OSBPL10: variants seen among roughly 807,000 people sequenced by gnomAD.
OSBPL10 encodes oxysterol binding protein like 10.
In OSBPL10, 49 loss-of-function variants were observed where a neutral mutation model predicts 81.7. The ratio of observed to expected loss-of-function variants is 0.60; its 90% confidence interval spans 0.48 to 0.76. The LOEUF (loss-of-function observed/expected upper bound fraction) is 0.76, where lower values mean the gene tolerates loss of function less well. Among genes scored for constraint, OSBPL10 ranks in the 30% least tolerant of loss-of-function variants. The pLI, the probability that OSBPL10 is intolerant of heterozygous loss-of-function variation, is 0.00. For synonymous variants in OSBPL10, 419 were observed against 383.6 expected (o/e 1.09, Z -1.08); for missense variants, 923 against 987.8 (o/e 0.93, Z 0.88).
At chr3:31,708,815 AG>A in intron 6 of OSBPL10, 5 of 985,378 alleles carry the variant, frequency 5.1e-6, no homozygotes, top group Non-Finnish European at 6.0e-6. Context: ...TGTTGGGTAG[AG>A]GGTATCTCAG....
chr3:32,050,343 A>AT (rs1422519893), intron 1 of OSBPL10, among the ~76,000 whole-genome samples: 1 of 152,160 alleles, frequency 6.6e-6, no homozygotes, highest in African/African-American at 2.4e-5. Context: ...TCAGGGTTCA[A>AT]TTTCTGGCTT....
At chr3:31,713,130 A>G (rs1396464740) in intron 6 of OSBPL10, among the ~76,000 whole-genome samples, 1 of 152,204 alleles carries the variant, frequency 6.6e-6, no homozygotes, top group Non-Finnish European at 1.5e-5. Flanking sequence ...TCCTAAGCTG[A>G]AAGCCCTCTC....
intron 3 of OSBPL10, among the ~76,000 whole-genome samples, chr3:31,842,403 A>C (rs189133479): frequency 3.8e-4 from 58 of 152,338 alleles, no homozygotes; most frequent in African/African-American, 1.4e-3. Flanking sequence ...TGGGCTTATT[A>C]CAGAAGTGGC....
intron 1 of OSBPL10, among the ~76,000 whole-genome samples, chr3:31,930,003 C>CAAAAAAAAAAAAAAAAAAAAA (rs57256301): frequency 2.8e-5 from 2 of 72,574 alleles, no homozygotes. Flanking sequence ...TGTCACCAAC[C>CAAAAAAAAAAAAAAAAAAAAA]AAAAAAAAAA....
At chr3:31,980,654 G>A (rs1009072569) in intron 1 of OSBPL10, among the ~76,000 whole-genome samples, 3 of 152,130 alleles carry the variant, frequency 2.0e-5, no homozygotes, top group Non-Finnish European at 2.9e-5. Flanking sequence ...GAAAACCAGG[G>A]CTCTCGCCTC....
At chr3:31,987,461 C>T (rs1698949679) in intron 2 of OSBPL10, among the ~76,000 whole-genome samples, 1 of 152,192 alleles carries the variant, frequency 6.6e-6, no homozygotes, top group Non-Finnish European at 1.5e-5. Context: ...GATCCAATGA[C>T]TGGGTCAGGC....
At chr3:31,802,033 G>A (rs1328857546) in intron 4 of OSBPL10, among the ~76,000 whole-genome samples, 1 of 151,524 alleles carries the variant, frequency 6.6e-6, no homozygotes, top group Non-Finnish European at 1.5e-5. Context: ...ATATTGGTCA[G>A]GCTGGTCTCG....
chr3:31,773,035 G>A (rs1314082305), intron 4 of OSBPL10, among the ~76,000 whole-genome samples: 1 of 148,050 alleles, frequency 6.8e-6, no homozygotes, highest in Admixed American at 6.8e-5. Flanking sequence ...GTCCCATAAT[G>A]CTGTCCACTA....
intron 1 of OSBPL10, among the ~76,000 whole-genome samples, chr3:32,060,091 T>C (rs1699743823): frequency 6.6e-6 from 1 of 151,940 alleles, no homozygotes; most frequent in African/African-American, 2.4e-5. Context: ...TATATATATA[T>C]ATATATACTT....
At chr3:32,033,319 A>AACTT (rs775726352) in intron 2 of OSBPL10, among the ~76,000 whole-genome samples, 4 of 152,148 alleles carry the variant, frequency 2.6e-5, no homozygotes, top group Non-Finnish European at 5.9e-5. Flanking sequence ...AATTAACTTG[A>AACTT]ACTTACATGA....
intron 8 of OSBPL10, among the ~76,000 whole-genome samples, chr3:31,683,125 T>C (rs1280670570): frequency 6.6e-6 from 1 of 152,234 alleles, no homozygotes; most frequent in Non-Finnish European, 1.5e-5. Flanking sequence ...AATAAGAATG[T>C]GTGATCCACC....
At chr3:31,962,625 G>T (rs866193454) in intron 1 of OSBPL10, among the ~76,000 whole-genome samples, 2 of 152,154 alleles carry the variant, frequency 1.3e-5, no homozygotes, top group Admixed American at 1.3e-4. Context: ...GCTTTTACCC[G>T]CAAGAAATGT....
At chr3:31,949,043 A>T (rs967218370) in intron 1 of OSBPL10, among the ~76,000 whole-genome samples, 1 of 152,244 alleles carries the variant, frequency 6.6e-6, no homozygotes, top group Non-Finnish European at 1.5e-5. Flanking sequence ...TAAATGGTCA[A>T]ATCAATTAAC....
At chr3:32,070,662 A>G (rs1454153302) in intron 1 of OSBPL10, among the ~76,000 whole-genome samples, 5 of 152,036 alleles carry the variant, frequency 3.3e-5, no homozygotes, top group African/African-American at 1.2e-4. Context: ...TCTCCTTCCA[A>G]TTCTCCCGTT....
Position 32,028,927 on chromosome 3 carries a change from GACACACACAC to G in OSBPL10, n.298+17554_298+17563del, listed in dbSNP as rs58442955. 1.9e-3 allele frequency among the ~76,000 whole-genome samples: 205 copies of G among 105,712 alleles called. 1 individual carries two copies. Among genetic ancestry groups the G allele is most frequent in the Middle Eastern group, 0.015 (3 of 202 alleles). The allele number at this position is 105,712 out of a possible 152,430, so 69.4% of individuals were successfully genotyped here. A position where few individuals can be genotyped will look rare whatever the true frequency, so the allele number is the denominator to read the frequency against. On this transcript the variant is annotated intron_variant and non_coding_transcript_variant, in intron 2 of 3. Coordinates refer to the OSBPL10 transcript ENST00000479173. ...ATTGTTACAGTAGGTAGCTAGTCAGGACACACACACACACACACACACACACACACACACA... is the reference window on the plus strand; with the variant it reads ...ATTGTTACAGTAGGTAGCTAGTCAGGACACACACACACACACACACACACA...
At chr3:31,859,629 G>C (rs1047856949) in intron 3 of OSBPL10, among the ~76,000 whole-genome samples, 1 of 152,170 alleles carries the variant, frequency 6.6e-6, no homozygotes, top group South Asian at 2.1e-4. Flanking sequence ...GGATGCCACA[G>C]CAAGAAGGTC....
chr3:31,990,644 A>C, intron 2 of OSBPL10: 1 of 1,614,192 alleles, frequency 6.2e-7, no homozygotes, highest in Non-Finnish European at 8.5e-7. Flanking sequence ...TTTAATCAAC[A>C]AGCAACCCTT....
At chr3:32,031,273 G>T (rs1485422169) in intron 2 of OSBPL10, among the ~76,000 whole-genome samples, 1 of 152,060 alleles carries the variant, frequency 6.6e-6, no homozygotes, top group Admixed American at 6.6e-5. Context: ...GAGTAACTGT[G>T]TTTATCATAT....
chr3:31,690,258 T>TC (rs1695491648), intron 7 of OSBPL10, among the ~76,000 whole-genome samples: 1 of 151,858 alleles, frequency 6.6e-6, no homozygotes, highest in Non-Finnish European at 1.5e-5. Context: ...ATATAACACC[T>TC]CCCCCTTTGC....
Sources: gnomAD v4.1 joint callset for allele counts (sites outside exome capture counted in the v4.1 genomes callset) on GRCh38, gnomAD v4.1.1 for gene constraint, MANE v1.5 for transcripts, NCBI Gene and HGNC (gene_info 2026-07-23, HGNC 2026-07-21) for gene names.